SEMA3A: variants seen among roughly 807,000 people sequenced by gnomAD.
The protein encoded by SEMA3A is semaphorin-3A.
In SEMA3A, 29 loss-of-function variants were observed where a neutral mutation model predicts 97.9. The ratio of observed to expected loss-of-function variants is 0.30; its 90% CI spans 0.22 to 0.40. SEMA3A has a LOEUF of 0.40. Among genes scored for constraint, SEMA3A ranks in the 10% least tolerant of loss-of-function variants. SEMA3A has a pLI of 1.00. For synonymous variants in SEMA3A, 321 were observed against 323.7 expected, an observed-to-expected ratio of 0.99 and a Z score of 0.09; for missense variants, 763 against 951.3, an observed-to-expected ratio of 0.80 and a Z score of 2.60.
intron 3 of SEMA3A, among the ~76,000 whole-genome samples, chr7:84,240,014 C>T (rs906122547): frequency 1.3e-5 from 2 of 152,008 alleles, no homozygotes; most frequent in Non-Finnish European, 2.9e-5. Flanking sequence ...CCACAGTATC[C>T]TATAAATTTT....
At chr7:84,299,338 A>C (rs1298844257) in intron 3 of SEMA3A, among the ~76,000 whole-genome samples, 14 of 112,984 alleles carry the variant, frequency 1.2e-4, no homozygotes, top group East Asian at 2.8e-4. Context: ...ATATATATGT[A>C]TCTCTCTCTC....
At chr7:84,263,007 GT>G in intron 3 of SEMA3A, among the ~76,000 whole-genome samples, 1 of 152,282 alleles carries the variant, frequency 6.6e-6, no homozygotes, top group African/African-American at 2.4e-5. Flanking sequence ...AAGCTGTAAT[GT>G]TGGGTATAAC....
intron 1 of SEMA3A, among the ~76,000 whole-genome samples, chr7:84,480,899 A>T (rs1396567439): frequency 1.3e-5 from 2 of 152,288 alleles, no homozygotes; most frequent in Non-Finnish European, 2.9e-5. Context: ...AAAATAAAAT[A>T]AAATAAATAA....
intron 3 of SEMA3A, among the ~76,000 whole-genome samples, chr7:84,294,103 CA>C (rs1242091904): frequency 6.6e-6 from 1 of 151,950 alleles, no homozygotes; most frequent in Non-Finnish European, 1.5e-5. Flanking sequence ...CAGTGATGAA[CA>C]TTTTGTATAT....
chr7:84,051,008 T>A (rs1239544126), intron 5 of SEMA3A, among the ~76,000 whole-genome samples: 1 of 151,896 alleles, frequency 6.6e-6, no homozygotes, highest in Non-Finnish European at 1.5e-5. Flanking sequence ...TTGTCAAAGA[T>A]CAGATAGTTG....
chr7:84,360,507 C>G (rs965162168), intron 2 of SEMA3A, among the ~76,000 whole-genome samples: 10 of 142,592 alleles, frequency 7.0e-5, no homozygotes, highest in Non-Finnish European at 1.4e-4. Context: ...GTCTGAGAGA[C>G]AGTTAGTTAA....
At chr7:84,134,712 C>A in intron 2 of SEMA3A, 82 bp downstream of exon 2, 1 of 1,089,958 alleles carries the variant, frequency 9.2e-7, no homozygotes, top group East Asian at 2.7e-5. Context: ...TGTCAGTAAT[C>A]ATGCTTTTAA....
At chr7:84,353,377 TTATTA>T (rs1802480957) in intron 2 of SEMA3A, among the ~76,000 whole-genome samples, 1 of 151,686 alleles carries the variant, frequency 6.6e-6, no homozygotes, top group African/African-American at 2.4e-5. Flanking sequence ...CCTTTCTCTT[TTATTA>T]TAATAGGGGT....
chr7:84,387,484 G>A (rs985991848), intron 1 of SEMA3A, among the ~76,000 whole-genome samples: 4 of 152,088 alleles, frequency 2.6e-5, no homozygotes, highest in African/African-American at 9.7e-5. Context: ...TAAATTTAAT[G>A]GCTCACAATA....
chr7:84,107,193 G>A (rs1370817374), intron 4 of SEMA3A, among the ~76,000 whole-genome samples: 1 of 152,098 alleles, frequency 6.6e-6, no homozygotes, highest in Non-Finnish European at 1.5e-5. Flanking sequence ...TCTCCCAATA[G>A]TAGAAGTATA....
At chr7:84,323,158 A>G (rs921986552) in intron 2 of SEMA3A, among the ~76,000 whole-genome samples, 4 of 152,184 alleles carry the variant, frequency 2.6e-5, no homozygotes, top group Non-Finnish European at 5.9e-5. Context: ...ATTAACAACA[A>G]TGCTTTCTTT....
At chr7:84,038,018 T>A (rs557612223) in intron 6 of SEMA3A, among the ~76,000 whole-genome samples, 1 of 152,160 alleles carries the variant, frequency 6.6e-6, no homozygotes, top group Non-Finnish European at 1.5e-5. Context: ...TTTACCTGAA[T>A]AACATTTTTA....
At chr7:84,474,207 A>G (rs544586597) in intron 1 of SEMA3A, among the ~76,000 whole-genome samples, 2 of 152,384 alleles carry the variant, frequency 1.3e-5, no homozygotes, top group Admixed American at 1.3e-4. Flanking sequence ...CTATTATTTT[A>G]AGTGAGAAAA....
intron 6 of SEMA3A, among the ~76,000 whole-genome samples, chr7:84,045,873 G>T (rs1792327738): frequency 6.6e-6 from 1 of 151,212 alleles, no homozygotes; most frequent in African/African-American, 2.4e-5. Context: ...ATTTTGAAAA[G>T]ACTATTAATA....
Position 84,424,717 on chromosome 7 carries a change from A to ATC in SEMA3A, c.-245-52818_-245-52817insGA, listed in dbSNP as rs1491488307. On this transcript the variant is annotated intron_variant, in intron 1 of 3. Transcript: ENST00000424555. ...ATATTGATATCAATATATAATATAT[A>ATC]AATTATTTATATATTATATATTTAG... Among the ~76,000 whole-genome samples the ATC allele has an allele frequency of 2.0e-5, 2 of 98,974 alleles. 1 individual carries two copies. The highest frequency in any genetic ancestry group is 3.5e-5 in the Non-Finnish European group (2 of 57,296). The allele number at this position is 98,974 out of a possible 152,430, so 64.9% of individuals were successfully genotyped here. A position where few individuals can be genotyped will look rare whatever the true frequency, so the allele number is the denominator to read the frequency against.
At chr7:84,427,632 AGAGT>A in intron 1 of SEMA3A, among the ~76,000 whole-genome samples, 1 of 123,120 alleles carries the variant, frequency 8.1e-6, no homozygotes, top group Non-Finnish European at 1.6e-5. Flanking sequence ...CCTGGGAGAC[AGAGT>A]GAGATTCTGT....
chr7:84,382,702 CAAAAAA>C (rs377120252), intron 1 of SEMA3A, among the ~76,000 whole-genome samples: 5 of 82,062 alleles, frequency 6.1e-5, no homozygotes, highest in Admixed American at 3.0e-4. Context: ...ACTAAAAATC[CAAAAAA>C]AAAAAAAAAA....
At chr7:84,308,814 C>CT (rs1405675661) in intron 2 of SEMA3A, among the ~76,000 whole-genome samples, 6 of 71,422 alleles carry the variant, frequency 8.4e-5, no homozygotes, top group Admixed American at 2.4e-4. Context: ...AGAAATATCA[C>CT]TTTTTTTTTC....
intron 3 of SEMA3A, among the ~76,000 whole-genome samples, chr7:84,288,708 C>T (rs922807240): frequency 1.3e-5 from 2 of 151,882 alleles, no homozygotes; most frequent in African/African-American, 4.8e-5. Flanking sequence ...AAAAACAAAA[C>T]AAAACAAAAC....
Sources: allele counts gnomAD v4.1 joint callset (sites outside exome capture counted in the v4.1 genomes callset), GRCh38; gene constraint gnomAD v4.1.1; transcripts MANE v1.5; gene names NCBI Gene and HGNC (gene_info 2026-07-23, HGNC 2026-07-21).